The following THAP4 variants were observed in gnomAD, a reference collection of about 807,000 sequenced individuals.
The protein encoded by THAP4 is peroxynitrite isomerase THAP4.
Under a neutral mutation model 48.1 loss-of-function variants are expected in THAP4, and 18 were observed. That is an observed-to-expected ratio of 0.37 (90% CI 0.26 to 0.56). The LOEUF is 0.56. THAP4 is among the 20% of genes least tolerant of loss of function. THAP4 has a pLI of 0.78. For missense variants in THAP4, 656 were observed against 774.9 expected (o/e 0.85, Z 1.82); for synonymous variants, 345 against 324.9 (o/e 1.06, Z -0.66).
intron 5 of THAP4, among the ~76,000 whole-genome samples, chr2:241,599,598 T>G (rs1218307069): frequency 2.0e-5 from 3 of 152,092 alleles, no homozygotes. Context: ...TATAAAGAAA[T>G]AAAGCTTTTC....
chr2:241,623,950 G>A (rs774905237), intron 2 of THAP4, among the ~76,000 whole-genome samples: 1 of 152,192 alleles, frequency 6.6e-6, no homozygotes, highest in Non-Finnish European at 1.5e-5. Context: ...CGTCAATTCA[G>A]TTCTGACACG....
At chr2:241,619,671 G>A (rs749118643) in intron 2 of THAP4, among the ~76,000 whole-genome samples, 15 of 152,222 alleles carry the variant, frequency 9.9e-5, no homozygotes, top group Non-Finnish European at 8.8e-5. Context: ...TGGTGAGTAA[G>A]TTGGTAAGTG....
chr2:241,627,103 C>A (rs1233177148), intron 2 of THAP4, among the ~76,000 whole-genome samples: 1 of 152,180 alleles, frequency 6.6e-6, no homozygotes, highest in Non-Finnish European at 1.5e-5. Context: ...CCTCTCACCC[C>A]CTGCCCTGTT....
At chr2:241,595,896 T>A (rs747524772) in intron 5 of THAP4, among the ~76,000 whole-genome samples, 2 of 152,186 alleles carry the variant, frequency 1.3e-5, no homozygotes, top group Non-Finnish European at 2.9e-5. Context: ...GCACTGAGGT[T>A]CTGAAGGGCT....
intron 2 of THAP4, among the ~76,000 whole-genome samples, chr2:241,626,387 G>A (rs1440643710): frequency 1.3e-5 from 2 of 152,048 alleles, no homozygotes; most frequent in Non-Finnish European, 2.9e-5. Context: ...GTTGCAGTGA[G>A]CCTAGATATC....
chr2:241,623,477 G>C (rs1454482669), intron 2 of THAP4, among the ~76,000 whole-genome samples: 1 of 151,996 alleles, frequency 6.6e-6, no homozygotes, highest in Non-Finnish European at 1.5e-5. Flanking sequence ...CTACTTAGGA[G>C]GCTAAGTGGG....
chr2:241,595,894 G>T (rs558419991), intron 5 of THAP4, among the ~76,000 whole-genome samples: 1 of 152,204 alleles, frequency 6.6e-6, no homozygotes, highest in East Asian at 1.9e-4. Flanking sequence ...GGGCACTGAG[G>T]TTCTGAAGGG....
rs184873614 is a variant in THAP4, at chr2:241,593,242, C to T, written c.1615-8517G>A. On this transcript the variant is annotated intron_variant, in intron 5 of 5. Transcript: ENST00000407315. The stretch of plus-strand genomic sequence containing the variant: ...CCTGGGCGACAGTGCAAGGCTCTGT[C>T]TAAAAAAAAGTAATAATAAAATAAA... Among the ~76,000 whole-genome samples, 83 of 151,412 alleles carry T rather than the reference C, an allele frequency of 5.5e-4. 1 individual carries two copies. The highest frequency in any genetic ancestry group is 1.9e-3 in the African/African-American group (77 of 41,244).
At chr2:241,636,819 C>T (rs1156415557) in intron 1 of THAP4, 122 bp downstream of exon 1, 11 of 432,104 alleles carry the variant, frequency 2.5e-5, no homozygotes, top group Non-Finnish European at 3.4e-5. Context: ...ACGCCCGCTC[C>T]CCCGCGCCCC....
At position 241,610,458 on chromosome 2, in the gene THAP4, G is replaced by C. The variant is rs1400735095; in HGVS notation, c.1241-3985C>G. On this transcript the variant is annotated intron_variant, in intron 2 of 5. Transcript: ENST00000407315. The surrounding 1 kb of genome is among the most constrained non-coding windows in gnomAD (Gnocchi z 4.2). ...GCTGGGCGGTGGGGCGCGCTCACTG[G>C]CTGCCACCTCACCTAGCAGGCGTCA... Among the ~76,000 whole-genome samples the C allele has an allele frequency of 6.6e-6, 1 of 152,160 alleles. No homozygotes were observed.
intron 5 of THAP4, among the ~76,000 whole-genome samples, chr2:241,591,526 G>T (rs1253290143): frequency 6.6e-6 from 1 of 152,204 alleles, no homozygotes; most frequent in African/African-American, 2.4e-5. Context: ...TTGGCACAGG[G>T]ACTGACAAAC....
At chr2:241,592,785 G>A (rs1242051311) in intron 5 of THAP4, among the ~76,000 whole-genome samples, 1 of 152,214 alleles carries the variant, frequency 6.6e-6, no homozygotes, top group East Asian at 1.9e-4. Flanking sequence ...GCTATGGCCG[G>A]CAGCATCAAT....
rs2067253111 is a variant in THAP4 at position 241,610,375 on chromosome 2, C to T, written c.1241-3902G>A. Among the ~76,000 whole-genome samples the T allele has an allele frequency of 6.6e-6, 1 of 152,212 alleles. No individual in the cohort carries two copies. The highest frequency in any genetic ancestry group is 2.4e-5 in the African/African-American group (1 of 41,464). On this transcript the variant is annotated intron_variant, in intron 2 of 5. Coordinates refer to ENST00000407315, the MANE Select transcript of THAP4 (RefSeq NM_015963.6). The surrounding 1 kb of genome is among the most constrained non-coding windows in gnomAD (Gnocchi z 4.2). ...CGCGCTCGCCCCCCAGCGCCAGGGT[C>T]ACGCCACCGCGCCCTGTTTGGGGAG...
intron 3 of THAP4, among the ~76,000 whole-genome samples, chr2:241,606,075 G>A (rs1431482098): frequency 6.6e-6 from 1 of 152,208 alleles, no homozygotes; most frequent in Non-Finnish European, 1.5e-5. Context: ...GGATTAACAA[G>A]CCTGTAATTT....
intron 1 of THAP4, among the ~76,000 whole-genome samples, chr2:241,636,065 G>C (rs1223829446): frequency 1.3e-5 from 2 of 152,114 alleles, no homozygotes; most frequent in East Asian, 3.9e-4. Flanking sequence ...AAACTTCTAG[G>C]ACACAAGCTC....
At chr2:241,611,487 C>A (rs1247048710) in intron 2 of THAP4, among the ~76,000 whole-genome samples, 1 of 152,082 alleles carries the variant, frequency 6.6e-6, no homozygotes, top group Non-Finnish European at 1.5e-5. Flanking sequence ...CTTTGGGAGG[C>A]CAAGGCGGGT....
In THAP4 at chr2:241,599,117, T is replaced by C. The variant is rs550930307; in HGVS notation, c.1614+2779A>G. On this transcript the variant is annotated intron_variant, in intron 5 of 5. Transcript: ENST00000407315. ...AAATACAAAAATTAGCTGGGTGTGG[T>C]GGTGCATGCCTGTAACCCCAGCTAC... Among the ~76,000 whole-genome samples, 51 of 152,070 alleles carry C rather than the reference T, an allele frequency of 3.4e-4. 1 individual carries two copies. Among genetic ancestry groups the C allele is most frequent in the Middle Eastern group, 3.4e-3 (1 of 294 alleles).
At chr2:241,625,695 G>A (rs535836371) in intron 2 of THAP4, among the ~76,000 whole-genome samples, 58 of 149,184 alleles carry the variant, frequency 3.9e-4, no homozygotes, top group South Asian at 2.8e-3. Flanking sequence ...CTACTAGGGA[G>A]GCTGAGGCAG....
intron 2 of THAP4, among the ~76,000 whole-genome samples, chr2:241,631,424 T>C (rs7583628): frequency 0.36 from 54,009 of 152,054 alleles, 10,178 homozygotes; most frequent in East Asian, 0.62. Context: ...CAGTAAAATA[T>C]GGGAAAAAAC....
Sources: gnomAD v4.1 joint callset for allele counts (sites outside exome capture counted in the v4.1 genomes callset) on GRCh38, gnomAD v4.1.1 for gene constraint, Gnocchi (gnomAD v3.1) non-coding constraint, MANE v1.5 for transcripts, NCBI Gene and HGNC (gene_info 2026-07-23, HGNC 2026-07-21) for gene names.